Variants in CLIC4 observed in about 807,000 individuals in gnomAD.
The protein encoded by CLIC4 is chloride intracellular channel protein 4.
A neutral mutation model predicts 24.6 loss-of-function variants in CLIC4; 13 were observed. The observed-to-expected ratio is 0.53, with a 90% CI of 0.34 to 0.84. The LOEUF is 0.84. Among genes scored for constraint, CLIC4 ranks in the 40% least tolerant of loss-of-function variants. CLIC4 has a pLI of 0.01. For synonymous variants in CLIC4, 104 were observed against 111.3 expected (o/e 0.93, Z 0.41); for missense variants, 227 against 301.7 (o/e 0.75, Z 1.83).
At chr1:24,746,974 C>CA (rs1638707562) in intron 1 of CLIC4, among the ~76,000 whole-genome samples, 2 of 151,912 alleles carry the variant, frequency 1.3e-5, no homozygotes, top group African/African-American at 2.4e-5. Context: ...GGCGACAGAG[C>CA]AAGACCCTGT....
intron 2 of CLIC4, among the ~76,000 whole-genome samples, chr1:24,807,186 A>C (rs1172021033): frequency 6.6e-6 from 1 of 151,954 alleles, no homozygotes; most frequent in Non-Finnish European, 1.5e-5. Flanking sequence ...TTCTGTTTAG[A>C]GAGCTTAAAA....
Position 24,797,790 on chromosome 1 carries a change from C to G in CLIC4, c.121C>G (p.Leu41Val). The change falls in exon 2 of 6, where the codon CTC (leucine) becomes GTC (valine). Residue 41 changes from leucine to valine, a missense_variant. Physicochemically the swap from Leu to Val is conservative, Grantham distance 32. Coordinates refer to ENST00000374379, the MANE Select transcript of CLIC4 (RefSeq NM_013943.3). ...SIGNCPFSQR[L>V]FMILWLKGVV... is the part of the protein sequence containing the mutation. Reference sequence around the variant, plus strand: ...AGGAAACTGCCCCTTTTCCCAGAGGCTCTTCATGATTCTTTGGCTCAAAGG... The same window carrying G: ...AGGAAACTGCCCCTTTTCCCAGAGGGTCTTCATGATTCTTTGGCTCAAAGG... 1 of 1,613,596 alleles carries G rather than the reference C, an allele frequency of 6.2e-7. No homozygotes were observed. Among genetic ancestry groups the G allele is most frequent in the Non-Finnish European group, 8.5e-7 (1 of 1,179,830 alleles).
At chr1:24,779,656 T>C (rs2124111051) in intron 1 of CLIC4, among the ~76,000 whole-genome samples, 1 of 152,274 alleles carries the variant, frequency 6.6e-6, no homozygotes, top group East Asian at 1.9e-4. Context: ...TAGCAAAGTA[T>C]AGGCTCACCC....
At chr1:24,748,499 G>GTTT (rs869153638) in intron 1 of CLIC4, among the ~76,000 whole-genome samples, 3,889 of 80,578 alleles carry the variant, frequency 0.048, 424 homozygotes, top group African/African-American at 0.071. Flanking sequence ...CAGGTTTTTT[G>GTTT]TTTTTTTTTT....
intron 1 of CLIC4, among the ~76,000 whole-genome samples, chr1:24,767,192 G>A (rs1321889507): frequency 6.6e-6 from 1 of 152,116 alleles, no homozygotes; most frequent in Non-Finnish European, 1.5e-5. Flanking sequence ...GGCTAAGAGT[G>A]TGGACTCCCG....
intron 2 of CLIC4, among the ~76,000 whole-genome samples, chr1:24,801,208 A>G (rs1639486636): frequency 6.6e-6 from 1 of 152,240 alleles, no homozygotes; most frequent in Non-Finnish European, 1.5e-5. Flanking sequence ...TCACATTGCT[A>G]TAAAGAACTA....
intron 2 of CLIC4, 101 bp from the exon 3 acceptor site, chr1:24,813,993 A>G (rs1171787698): frequency 1.7e-5 from 24 of 1,405,536 alleles, no homozygotes; most frequent in Non-Finnish European, 2.3e-5. Context: ...CTACGACTAC[A>G]GACGCAAGCC....
rs1249975069 is a variant in CLIC4, at chr1:24,843,435, T to G, written c.*2498T>G. ...TTTTACAACTAACATCCATTCCCCT[T>G]CATTTAAACACCTTTTGTGTTTTAC... On this transcript the variant is annotated 3_prime_UTR_variant, in exon 6 of 6. Coordinates refer to ENST00000374379, the MANE Select transcript of CLIC4 (RefSeq NM_013943.3). 1 of 152,220 alleles carries G rather than the reference T, an allele frequency of 6.6e-6. No individual in the cohort carries two copies. The highest frequency in any genetic ancestry group is 1.5e-5 in the Non-Finnish European group (1 of 68,020). 9.4% of individuals were successfully genotyped at this position (152,220 alleles called of 1,614,324 possible). A position where few individuals can be genotyped will look rare whatever the true frequency, so the allele number is the denominator to read the frequency against.
chr1:24,751,154 C>G (rs573660336), intron 1 of CLIC4, among the ~76,000 whole-genome samples: 2 of 151,872 alleles, frequency 1.3e-5, no homozygotes, highest in South Asian at 2.1e-4. Context: ...TCTCCAAACC[C>G]AGTGTAATTT....
chr1:24,806,694 C>T (rs1639553592), intron 2 of CLIC4, among the ~76,000 whole-genome samples: 1 of 152,164 alleles, frequency 6.6e-6, no homozygotes, highest in East Asian at 1.9e-4. Context: ...TATGAACCAT[C>T]AGCTCTATTA....
chr1:24,754,811 C>T (rs1299521374), intron 1 of CLIC4, among the ~76,000 whole-genome samples: 9 of 152,016 alleles, frequency 5.9e-5, no homozygotes, highest in Non-Finnish European at 1.5e-5. Flanking sequence ...ATGGCTCACA[C>T]CTGTAATCCC....
At chr1:24,778,774 A>G (rs926361285) in intron 1 of CLIC4, among the ~76,000 whole-genome samples, 25 of 152,178 alleles carry the variant, frequency 1.6e-4, no homozygotes, top group African/African-American at 3.6e-4. Context: ...TCATGGGTCT[A>G]TTGTGCCTAG....
intron 1 of CLIC4, among the ~76,000 whole-genome samples, chr1:24,795,444 T>G (rs12058768): frequency 6.6e-6 from 1 of 151,716 alleles, no homozygotes; most frequent in Non-Finnish European, 1.5e-5. Context: ...ATTTCTTAAG[T>G]CCACGAATTT....
chr1:24,777,602 T>G (rs541261673), intron 1 of CLIC4, among the ~76,000 whole-genome samples: 2 of 152,310 alleles, frequency 1.3e-5, no homozygotes, highest in South Asian at 4.1e-4. Flanking sequence ...ATCTTTAGTA[T>G]CTGGTCTTGG....
chr1:24,826,263 A>G (rs1340420629), intron 3 of CLIC4, among the ~76,000 whole-genome samples: 1 of 152,230 alleles, frequency 6.6e-6, no homozygotes, highest in African/African-American at 2.4e-5. Context: ...TGCTACCCTC[A>G]TAAATATTCT....
chr1:24,827,329 A>G (rs930004184), intron 4 of CLIC4, among the ~76,000 whole-genome samples: 15 of 152,220 alleles, frequency 9.9e-5, no homozygotes, highest in African/African-American at 3.6e-4. Flanking sequence ...GTAGCACAGT[A>G]TATAGTAAGT....
At chr1:24,799,653 G>A (rs1424623151) in intron 2 of CLIC4, among the ~76,000 whole-genome samples, 20 of 140,012 alleles carry the variant, frequency 1.4e-4, no homozygotes, top group Admixed American at 1.4e-3. Context: ...GAGGTGGGGG[G>A]GGTCAGCCCC....
chr1:24,763,987 A>G (rs1465327049), intron 1 of CLIC4, among the ~76,000 whole-genome samples: 1 of 152,212 alleles, frequency 6.6e-6, no homozygotes, highest in African/African-American at 2.4e-5. Flanking sequence ...GGCATTCAGT[A>G]AGTCTTATTG....
chr1:24,840,717 C>G lies in CLIC4; in HGVS notation c.598-56C>G, dbSNP rs528858430. ...ATTTGCTCCAAAATCAGAGATATGTCTAGTTTACAAGACGTGGAAATAAGT... is the reference window on the plus strand; with the variant it reads ...ATTTGCTCCAAAATCAGAGATATGTGTAGTTTACAAGACGTGGAAATAAGT... On this transcript the variant is annotated intron_variant, in intron 5 of 5. Transcript: ENST00000374379. The G allele has an allele frequency of 1.5e-5, 21 of 1,396,862 alleles. No individual in the cohort carries two copies. In the South Asian group the frequency reaches 2.5e-4, roughly 16 times the overall value. 86.5% of individuals were successfully genotyped at this position (1,396,862 alleles called of 1,614,324 possible).
Sources: gnomAD v4.1 joint callset for allele counts (sites outside exome capture counted in the v4.1 genomes callset) on GRCh38, gnomAD v4.1.1 for gene constraint, MANE v1.5 for transcripts, NCBI Gene and HGNC (gene_info 2026-07-23, HGNC 2026-07-21) for gene names.